STK32B: variants seen among roughly 807,000 people sequenced by gnomAD.
The protein encoded by STK32B is serine/threonine-protein kinase 32B.
Under a neutral mutation model 52.6 loss-of-function variants are expected in STK32B, and 43 were observed. The ratio of observed to expected loss-of-function variants is 0.82; its 90% CI spans 0.64 to 1.05. The LOEUF is 1.05. STK32B is among the 50% of genes least tolerant of loss of function. The pLI, the probability that STK32B is intolerant of heterozygous loss-of-function variation, is 0.00. For synonymous variants in STK32B, 238 were observed against 204.3 expected (o/e 1.17, Z -1.41); for missense variants, 621 against 534.6 (o/e 1.16, Z -1.59).
chr4:5,232,904 A>G (rs1017642812), intron 3 of STK32B, among the ~76,000 whole-genome samples: 2 of 151,814 alleles, frequency 1.3e-5, no homozygotes, highest in Non-Finnish European at 2.9e-5. Context: ...AATGGGATTG[A>G]GGCACTTATT....
intron 3 of STK32B, among the ~76,000 whole-genome samples, chr4:5,287,568 T>C (rs1278764640): frequency 6.6e-6 from 1 of 152,162 alleles, no homozygotes; most frequent in Non-Finnish European, 1.5e-5. Flanking sequence ...TGTCTCCTTT[T>C]CATCCCTGAA....
the STK32B span, among the ~76,000 whole-genome samples, chr4:5,039,103 C>T: frequency 6.6e-6 from 1 of 150,610 alleles, no homozygotes; most frequent in Admixed American, 6.7e-5. Flanking sequence ...CTTCCCACTT[C>T]AGCCTTCTGA....
intron 3 of STK32B, among the ~76,000 whole-genome samples, chr4:5,291,810 T>C (rs1728908182): frequency 6.6e-6 from 1 of 152,132 alleles, no homozygotes; most frequent in African/African-American, 2.4e-5. Flanking sequence ...GTTTGTTTGT[T>C]TTTTCATAGA....
intron 4 of STK32B, among the ~76,000 whole-genome samples, chr4:5,348,771 A>AG (rs982682050): frequency 6.6e-6 from 1 of 152,052 alleles, no homozygotes; most frequent in African/African-American, 2.4e-5. Context: ...ATGCACCATC[A>AG]GGGGGCCTGA....
At chr4:5,086,163 A>G (rs1712723546) in intron 1 of STK32B, among the ~76,000 whole-genome samples, 2 of 152,228 alleles carry the variant, frequency 1.3e-5, no homozygotes, top group African/African-American at 2.4e-5. Context: ...GGGAATCTAT[A>G]GGTTCATGTG....
chr4:5,041,527 C>A, the STK32B span, among the ~76,000 whole-genome samples: 3 of 152,070 alleles, frequency 2.0e-5, no homozygotes, highest in African/African-American at 7.2e-5. Context: ...TGCTGGGCTA[C>A]CAAGTTCCCA....
At chr4:5,463,154 G>A (rs997286741) in intron 9 of STK32B, among the ~76,000 whole-genome samples, 2 of 152,216 alleles carry the variant, frequency 1.3e-5, no homozygotes, top group Non-Finnish European at 2.9e-5. Context: ...TGCACATTTT[G>A]GACAGTCCAG....
chr4:5,243,810 G>C (rs1184495625), intron 3 of STK32B, among the ~76,000 whole-genome samples: 1 of 152,054 alleles, frequency 6.6e-6, no homozygotes, highest in African/African-American at 2.4e-5. Flanking sequence ...TTTTGTCAAA[G>C]GCCTTTTCTG....
intron 3 of STK32B, among the ~76,000 whole-genome samples, chr4:5,249,560 A>G (rs570718108): frequency 6.7e-6 from 1 of 150,006 alleles, no homozygotes; most frequent in Non-Finnish European, 1.5e-5. Flanking sequence ...TCTTAATTAT[A>G]TAAGCATATG....
Position 5,293,162 on chromosome 4 carries a change from G to A in STK32B, c.261-38058G>A, listed in dbSNP as rs980047065. Among the ~76,000 whole-genome samples, 29 of 152,060 alleles carry A rather than the reference G, an allele frequency of 1.9e-4. 1 individual carries two copies. The highest frequency in any genetic ancestry group is 6.8e-4 in the African/African-American group (28 of 41,430). On this transcript the variant is annotated intron_variant, in intron 3 of 11. Coordinates refer to ENST00000282908, the MANE Select transcript of STK32B (RefSeq NM_018401.3). ...CTGAATAGTATTCCATGGTGTATAA[G>A]TACCACATTTTCTTTATCCAGTCTA... is the stretch of plus-strand genomic sequence containing the variant.
chr4:5,254,065 G>A (rs369193904), intron 3 of STK32B, among the ~76,000 whole-genome samples: 1 of 152,134 alleles, frequency 6.6e-6, no homozygotes. Context: ...GATTACAGGC[G>A]TGAGCCACTG....
intron 3 of STK32B, among the ~76,000 whole-genome samples, chr4:5,269,912 T>G (rs567048087): frequency 3.3e-5 from 5 of 152,136 alleles, no homozygotes; most frequent in African/African-American, 1.2e-4. Flanking sequence ...AATAAAAGAA[T>G]AATAGTGAGA....
In STK32B at chr4:5,383,942, A is replaced by AAG. The variant is rs202088317; in HGVS notation, c.435-14264_435-14263dup. Among the ~76,000 whole-genome samples the AAG allele has an allele frequency of 6.7e-3, 1,015 of 152,306 alleles. 6 individuals carry two copies. Among genetic ancestry groups the AAG allele is most frequent in the Non-Finnish European group, 0.011 (764 of 68,034 alleles). On this transcript the variant is annotated intron_variant, in intron 4 of 11. Transcript: ENST00000282908. Reference sequence around the variant, plus strand: ...ACGTGGATACAGTGTCAGGCATGATAAGGGCATGGAGAGAAATGAAGGAGG... The same window carrying AAG: ...ACGTGGATACAGTGTCAGGCATGATAAGAGGGCATGGAGAGAAATGAAGGAGG...
Position 5,468,061 on chromosome 4 carries a change from A to G in STK32B, c.1097A>G (p.Asn366Ser), listed in dbSNP as rs1263745845. ...ETVREEFIIF[N>S]REKLRRQQGQ... The stretch of plus-strand genomic sequence containing the variant: ...GTCCGGGAGGAATTCATCATATTCA[A>G]CAGAGAGAAGTAAGTCCTTCATACT... The change falls in exon 11 of 12, where the codon AAC (asparagine) becomes AGC (serine). Residue 366 changes from asparagine to serine, a missense_variant. By Grantham distance (46) the Asn-to-Ser change is conservative. Transcript: ENST00000282908. 1 of 1,614,150 alleles carries G rather than the reference A, an allele frequency of 6.2e-7. No individual in the cohort carries two copies. Among genetic ancestry groups the G allele is most frequent in the African/African-American group, 1.3e-5 (1 of 75,050 alleles).
chr4:5,342,860 T>G (rs943508584), intron 4 of STK32B, among the ~76,000 whole-genome samples: 10 of 152,210 alleles, frequency 6.6e-5, no homozygotes, highest in African/African-American at 2.2e-4. Flanking sequence ...AGAGCCTACC[T>G]TACTTGAAAT....
At chr4:5,173,319 T>A (rs548188657) in intron 3 of STK32B, among the ~76,000 whole-genome samples, 1 of 152,322 alleles carries the variant, frequency 6.6e-6, no homozygotes, top group African/African-American at 2.4e-5. Context: ...TCTGCTCTGA[T>A]CTTAGTTATT....
chr4:5,194,445 C>G (rs1025007882), intron 3 of STK32B, among the ~76,000 whole-genome samples: 1 of 152,168 alleles, frequency 6.6e-6, no homozygotes, highest in African/African-American at 2.4e-5. Context: ...TTTGCTCATC[C>G]TCATCCTCAG....
chr4:5,440,696 A>C (rs1405421783), intron 6 of STK32B, among the ~76,000 whole-genome samples: 3 of 152,164 alleles, frequency 2.0e-5, no homozygotes, highest in Non-Finnish European at 4.4e-5. Flanking sequence ...TTTCAAAGGA[A>C]ATGCTTCCAG....
At chr4:5,303,046 A>T (rs940001934) in intron 3 of STK32B, among the ~76,000 whole-genome samples, 1 of 151,604 alleles carries the variant, frequency 6.6e-6, no homozygotes, top group African/African-American at 2.4e-5. Context: ...ATATATATGT[A>T]TGTATGTATA....
Sources: gnomAD v4.1 joint callset for allele counts (sites outside exome capture counted in the v4.1 genomes callset) on GRCh38, gnomAD v4.1.1 for gene constraint, MANE v1.5 for transcripts, NCBI Gene and HGNC (gene_info 2026-07-23, HGNC 2026-07-21) for gene names.